The following LRRC37A2 variants were observed in gnomAD, a reference collection of about 807,000 sequenced individuals.
LRRC37A2 encodes the protein leucine rich repeat containing 37 member A2.
Under a neutral mutation model 68.8 loss-of-function variants are expected in LRRC37A2, and 9 were observed. The observed-to-expected ratio is 0.13, with a 90% CI of 0.08 to 0.23. The LOEUF is 0.23. Ranked by LOEUF, LRRC37A2 falls within the 10% of genes least tolerant of loss-of-function variation. LRRC37A2 has a pLI of 1.00. For synonymous variants in LRRC37A2, 63 were observed against 367.6 expected (o/e 0.17, Z 9.48); for missense variants, 168 against 950.4 (o/e 0.18, Z 10.82).
chr17:46,533,499 T>A, intron 6 of LRRC37A2, among the ~76,000 whole-genome samples: 1 of 147,048 alleles, frequency 6.8e-6, no homozygotes, highest in African/African-American at 2.7e-5. Context: ...TCTTTTTCTT[T>A]TTTTTTTTTT....
chr17:46,817,435 CG>C, the LRRC37A2 span, among the ~76,000 whole-genome samples: 1 of 152,120 alleles, frequency 6.6e-6, no homozygotes, highest in African/African-American at 2.4e-5. Context: ...TAAAGTTTTC[CG>C]GAATGTAGGG....
chr17:47,011,097 TAGC>T, the LRRC37A2 span, among the ~76,000 whole-genome samples: 1 of 152,052 alleles, frequency 6.6e-6, no homozygotes, highest in African/African-American at 2.4e-5. Context: ...CCCACAAGGG[TAGC>T]CATCCTGTCC....
the LRRC37A2 span, among the ~76,000 whole-genome samples, chr17:46,733,546 A>G: frequency 2.1e-4 from 32 of 152,196 alleles, no homozygotes; most frequent in Non-Finnish European, 1.0e-4. Context: ...CTCGTAATTT[A>G]TGGAGGAGCA....
chr17:46,502,629 T>C, the LRRC37A2 span, among the ~76,000 whole-genome samples: 4 of 151,488 alleles, frequency 2.6e-5, no homozygotes, highest in South Asian at 4.1e-4. Flanking sequence ...CTTTAGCACA[T>C]ACACCTAGTT....
chr17:46,916,166 T>A, the LRRC37A2 span, among the ~76,000 whole-genome samples: 1 of 152,258 alleles, frequency 6.6e-6, no homozygotes, highest in African/African-American at 2.4e-5. Flanking sequence ...TGGCCACGCC[T>A]ATCTTCTCCA....
At chr17:46,779,892 G>A in the LRRC37A2 span, among the ~76,000 whole-genome samples, 1 of 152,136 alleles carries the variant, frequency 6.6e-6, no homozygotes, top group Non-Finnish European at 1.5e-5. Flanking sequence ...TCAAGTAGCT[G>A]GGATAAGAGG....
At chr17:46,598,476 A>G in the LRRC37A2 span, among the ~76,000 whole-genome samples, 3 of 152,240 alleles carry the variant, frequency 2.0e-5, no homozygotes, top group East Asian at 1.9e-4. Flanking sequence ...TTTAGTGCAA[A>G]TAAAGCCAGT....
the LRRC37A2 span, among the ~76,000 whole-genome samples, chr17:47,029,481 C>G: frequency 3.9e-5 from 6 of 152,134 alleles, no homozygotes; most frequent in African/African-American, 1.4e-4. Flanking sequence ...AAAAGACTTT[C>G]CACCTGCCTT....
the LRRC37A2 span, chr17:46,938,927 G>A: frequency 1.3e-6 from 2 of 1,509,580 alleles, no homozygotes; most frequent in Non-Finnish European, 1.8e-6. Context: ...TCTGTTTTCT[G>A]TGACATCTTG....
chr17:46,990,898 T>TGGCCTCAAGCAATCCTCCC, the LRRC37A2 span, among the ~76,000 whole-genome samples: 1 of 152,172 alleles, frequency 6.6e-6, no homozygotes, highest in Non-Finnish European at 1.5e-5. Context: ...CTTGAACTCT[T>TGGCCTCAAGCAATCCTCCC]GGCCTCAAGC....
At chr17:46,715,489 C>G in the LRRC37A2 span, among the ~76,000 whole-genome samples, 4 of 152,296 alleles carry the variant, frequency 2.6e-5, no homozygotes, top group African/African-American at 9.6e-5. Context: ...ATCATCTATT[C>G]CTGTGCTTTT....
chr17:46,863,159 A>G, the LRRC37A2 span, among the ~76,000 whole-genome samples: 2 of 152,202 alleles, frequency 1.3e-5, no homozygotes, highest in Non-Finnish European at 2.9e-5. Flanking sequence ...GCCCTCCCAA[A>G]GCCCGCCCAG....
chr17:46,753,533 G>A, the LRRC37A2 span, among the ~76,000 whole-genome samples: 1 of 151,884 alleles, frequency 6.6e-6, no homozygotes, highest in African/African-American at 2.4e-5. Flanking sequence ...GCAAATACAG[G>A]TGTATTGGCT....
chr17:46,834,515 T>C, the LRRC37A2 span, among the ~76,000 whole-genome samples: 1 of 152,104 alleles, frequency 6.6e-6, no homozygotes, highest in Non-Finnish European at 1.5e-5. Context: ...GCTCCTTGAG[T>C]GGAAAGCTCC....
chr17:46,900,277 A>G, the LRRC37A2 span, among the ~76,000 whole-genome samples: 3 of 148,758 alleles, frequency 2.0e-5, no homozygotes, highest in Admixed American at 2.0e-4. Context: ...TTGAGATGGA[A>G]TCTCGCTCTG....
chr17:46,953,750 ATC>A, the LRRC37A2 span, among the ~76,000 whole-genome samples: 1 of 152,200 alleles, frequency 6.6e-6, no homozygotes, highest in African/African-American at 2.4e-5. Flanking sequence ...GTGAGATGGT[ATC>A]TCATTGTGGT....
At chr17:46,964,305 GCTCT>G in the LRRC37A2 span, 2 of 152,242 alleles carry the variant, frequency 1.3e-5, no homozygotes, top group African/African-American at 4.8e-5. Flanking sequence ...CTCCTCCAGG[GCTCT>G]CTGACATCCA....
the LRRC37A2 span, chr17:46,872,756 T>C: frequency 0.74 from 1,177,411 of 1,590,790 alleles, 434,800 homozygotes; most frequent in African/African-American, 0.91. Context: ...GAGGGCAGGA[T>C]GGGCCTGCTC....
At chr17:46,935,555 T>A in the LRRC37A2 span, 48 of 1,213,794 alleles carry the variant, frequency 4.0e-5, no homozygotes, top group Non-Finnish European at 4.8e-5. Flanking sequence ...TGGCTTTCCC[T>A]TAGGACCCCT....
Sources: gnomAD v4.1 joint callset for allele counts (sites outside exome capture counted in the v4.1 genomes callset) on GRCh38, gnomAD v4.1.1 for gene constraint, MANE v1.5 for transcripts, NCBI Gene and HGNC (gene_info 2026-07-23, HGNC 2026-07-21) for gene names.